Variants in LRP8 observed in about 807,000 individuals in gnomAD.
LRP8 encodes the protein low-density lipoprotein receptor-related protein 8.
In LRP8, 46 loss-of-function variants were observed where a neutral mutation model predicts 111.6. The ratio of observed to expected loss-of-function variants is 0.41; its 90% CI spans 0.33 to 0.53. The LOEUF (loss-of-function observed/expected upper bound fraction) is 0.53. Ranked by LOEUF, LRP8 falls within the 20% of genes least tolerant of loss-of-function variation. The probability of loss-of-function intolerance (pLI) is 0.20; values close to 1 mark genes in which losing one functional copy is unlikely to be tolerated. For synonymous variants in LRP8, 464 were observed against 511.2 expected (o/e 0.91, Z 1.24); for missense variants, 959 against 1,297.4 (o/e 0.74, Z 4.01).
intron 2 of LRP8, among the ~76,000 whole-genome samples, chr1:53,316,650 G>A (rs142309886): frequency 1.2e-3 from 186 of 152,346 alleles, no homozygotes; most frequent in African/African-American, 4.1e-3. Flanking sequence ...ACTCTTAGGG[G>A]AAAACAAAAG....
intron 2 of LRP8, among the ~76,000 whole-genome samples, chr1:53,295,929 G>T (rs1649626808): frequency 6.6e-6 from 1 of 152,186 alleles, no homozygotes; most frequent in African/African-American, 2.4e-5. Flanking sequence ...GGAGGGACTA[G>T]CCCGTGTTGA....
At chr1:53,297,163 A>G (rs1649886133) in intron 2 of LRP8, among the ~76,000 whole-genome samples, 1 of 152,120 alleles carries the variant, frequency 6.6e-6, no homozygotes, top group Non-Finnish European at 1.5e-5. Context: ...CAGCTTCCAC[A>G]TGGCTCTGCT....
At chr1:53,287,697 T>C (rs1485960921) in intron 3 of LRP8, among the ~76,000 whole-genome samples, 1 of 152,158 alleles carries the variant, frequency 6.6e-6, no homozygotes, top group Non-Finnish European at 1.5e-5. Flanking sequence ...CTGGGCCTCC[T>C]GTTGTCCCTC....
In LRP8 at chr1:53,317,737, C is replaced by T. The variant is rs916815765; in HGVS notation, c.244+9136G>A. 4.6e-5 allele frequency among the ~76,000 whole-genome samples: 7 copies of T among 152,230 alleles called. No individual in the cohort carries two copies. The highest frequency in any genetic ancestry group is 1.3e-4 in the Admixed American group (2 of 15,280). On this transcript the variant is annotated intron_variant, in intron 2 of 18. Transcript: ENST00000306052. The surrounding 1 kb of genome is among the most constrained non-coding windows in gnomAD (Gnocchi z 4.9). ...CCTCCGGAATATGGGCTCATTTTCCCGCTTTCGGAAAGTCTCATGAAGCTG... is the reference window on the plus strand; with the variant it reads ...CCTCCGGAATATGGGCTCATTTTCCTGCTTTCGGAAAGTCTCATGAAGCTG...
At chr1:53,264,420 A>G (rs767486552) in intron 9 of LRP8, 24 bp from the exon 10 acceptor site, 4 of 1,589,090 alleles carry the variant, frequency 2.5e-6, no homozygotes, top group South Asian at 1.1e-5. Context: ...AGAGATGACC[A>G]TGGGGCAGAT....
Position 53,250,997 on chromosome 1 carries a change from G to A in LRP8, c.2504-135C>T, listed in dbSNP as rs1645877845. 2 of 693,376 alleles carry A rather than the reference G, an allele frequency of 2.9e-6. No individual in the cohort carries two copies. The highest frequency in any genetic ancestry group is 4.9e-6 in the Non-Finnish European group (2 of 404,232). The allele number at this position is 693,376 out of a possible 1,614,324, so 43.0% of individuals were successfully genotyped here. On this transcript the variant is annotated intron_variant, in intron 16 of 18. Transcript: ENST00000306052. The surrounding 1 kb of genome is among the most constrained non-coding windows in gnomAD (Gnocchi z 4.6). Reference sequence around the variant, plus strand: ...CTCTGTTTCTGCATGTTCTTTTACTGCTGTTTGAAAGCCCATCTCTCATCC... The same window carrying A: ...CTCTGTTTCTGCATGTTCTTTTACTACTGTTTGAAAGCCCATCTCTCATCC...
At chr1:53,277,472 G>T (rs1646965777) in intron 4 of LRP8, among the ~76,000 whole-genome samples, 1 of 152,170 alleles carries the variant, frequency 6.6e-6, no homozygotes, top group Admixed American at 6.5e-5. Flanking sequence ...GCATAGCGAT[G>T]CATAGCATAA....
chr1:53,266,511 G>A lies in LRP8; in HGVS notation c.1389C>T (p.Arg463=), dbSNP rs758929091. The A allele has an allele frequency of 2.7e-5, 43 of 1,614,078 alleles. No individual in the cohort carries two copies. The highest frequency in any genetic ancestry group is 1.7e-4 in the Admixed American group (10 of 60,002). The change falls in exon 9 of 19, where the codon CGC becomes CGT. Residue 463 remains arginine, a synonymous_variant. Coordinates refer to ENST00000306052, the MANE Select transcript of LRP8 (RefSeq NM_004631.5). This position sits in a 1 kb window ranked among gnomAD's most constrained non-coding sequence, Gnocchi z 5.0. ...VALDVEVATN[R]IYWCDLSYRK... ...GGTAGGAGAGGTCACACCAGTAGAT[G>A]CGATTGGTGGCAACTTCCACATCTA... is the stretch of plus-strand genomic sequence containing the variant.
At chr1:53,306,749 C>G (rs138100595) in intron 2 of LRP8, among the ~76,000 whole-genome samples, 294 of 152,326 alleles carry the variant, frequency 1.9e-3, no homozygotes, top group African/African-American at 6.8e-3. Flanking sequence ...GGTCCCACCT[C>G]CTGGCCTGCT....
intron 2 of LRP8, chr1:53,291,781 G>A (rs567169060): frequency 2.6e-5 from 4 of 152,340 alleles, no homozygotes; most frequent in African/African-American, 9.6e-5. Context: ...ATAAATGAGT[G>A]AGCATGGTTA....
Position 53,294,062 on chromosome 1 carries a change from T to C in LRP8, c.245-4373A>G, listed in dbSNP as rs1649248019. Reference sequence around the variant, plus strand: ...ATTCTAAGGCTGTCAGAGAAAGCCATGCCAGACCCCTACTCTGCTGGCCTT... The same window carrying C: ...ATTCTAAGGCTGTCAGAGAAAGCCACGCCAGACCCCTACTCTGCTGGCCTT... On this transcript the variant is annotated intron_variant, in intron 2 of 18. Transcript: ENST00000306052. The surrounding 1 kb of genome is among the most constrained non-coding windows in gnomAD (Gnocchi z 4.1). 6.6e-6 allele frequency among the ~76,000 whole-genome samples: 1 copy of C among 152,194 alleles called. No individual in the cohort carries two copies. The highest frequency in any genetic ancestry group is 1.5e-5 in the Non-Finnish European group (1 of 68,030).
In LRP8 at chr1:53,296,387, T is replaced by C. The variant is rs942489787; in HGVS notation, c.245-6698A>G. 3.9e-5 allele frequency among the ~76,000 whole-genome samples: 6 copies of C among 152,082 alleles called. No individual in the cohort carries two copies. In the East Asian group the frequency reaches 9.7e-4, roughly 25 times the overall value. ...GAGAGCTGGGTGCACAGAAGGGACT[T>C]GGATGTTCCCACTTCCTCTCCCAGG... On this transcript the variant is annotated intron_variant, in intron 2 of 18. Transcript: ENST00000306052.
In LRP8 at chr1:53,266,350, C is replaced by T. The variant is rs547207363; in HGVS notation, c.1427+123G>A. The T allele has an allele frequency of 3.0e-5, 30 of 999,294 alleles. No individual in the cohort carries two copies. The highest frequency in any genetic ancestry group is 4.9e-5 in the South Asian group (3 of 60,680). The allele number at this position is 999,294 out of a possible 1,614,324, so 61.9% of individuals were successfully genotyped here. On this transcript the variant is annotated intron_variant, in intron 9 of 18. Coordinates refer to ENST00000306052, the MANE Select transcript of LRP8 (RefSeq NM_004631.5). This position sits in a 1 kb window ranked among gnomAD's most constrained non-coding sequence, Gnocchi z 5.0. Reference sequence around the variant, plus strand: ...CCATATCCACTGTGATCCTGCATCTCTTCCCAAGTCCCAACTCTGTCCTGA... The same window carrying T: ...CCATATCCACTGTGATCCTGCATCTTTTCCCAAGTCCCAACTCTGTCCTGA...
intron 2 of LRP8, among the ~76,000 whole-genome samples, chr1:53,309,572 C>T (rs777881476): frequency 2.0e-5 from 3 of 152,236 alleles, no homozygotes; most frequent in South Asian, 2.1e-4. Flanking sequence ...CAGAGAGCCA[C>T]GGTGAGGGGA....
At chr1:53,315,977 C>A (rs1179076744) in intron 2 of LRP8, among the ~76,000 whole-genome samples, 1 of 152,084 alleles carries the variant, frequency 6.6e-6, no homozygotes, top group South Asian at 2.1e-4. Flanking sequence ...GGGGAGGTGG[C>A]AGAGAGAACA....
At chr1:53,300,498 C>T (rs1000792139) in intron 2 of LRP8, among the ~76,000 whole-genome samples, 4 of 152,146 alleles carry the variant, frequency 2.6e-5, no homozygotes, top group African/African-American at 7.2e-5. Flanking sequence ...TTTGGCAGAC[C>T]GACCCAGGCA....
chr1:53,257,698 G>C (rs1034139195), intron 14 of LRP8, among the ~76,000 whole-genome samples: 2 of 152,170 alleles, frequency 1.3e-5, no homozygotes, highest in Non-Finnish European at 2.9e-5. Flanking sequence ...TTAGTTGTAA[G>C]ATCAGCAATA....
chr1:53,278,915 A>ATTTT (rs530331555), intron 4 of LRP8, among the ~76,000 whole-genome samples: 3 of 133,010 alleles, frequency 2.3e-5, no homozygotes, highest in African/African-American at 5.8e-5. Context: ...CGCCCGGCTA[A>ATTTT]TTTTTTTTTT....
In LRP8 at chr1:53,303,213, G is replaced by A. The variant is rs774942794; in HGVS notation, c.245-13524C>T. 1.6e-4 allele frequency among the ~76,000 whole-genome samples: 25 copies of A among 152,160 alleles called. No homozygotes were observed. The highest frequency in any genetic ancestry group is 2.6e-4 in the Admixed American group (4 of 15,282). On this transcript the variant is annotated intron_variant, in intron 2 of 18. Transcript: ENST00000306052. This position sits in a 1 kb window ranked among gnomAD's most constrained non-coding sequence, Gnocchi z 4.3. Reference sequence around the variant, plus strand: ...TTGGGGAGAGCTGGGTTGCCTCCCCGTTCGAATGGGAGAGGGCCGGGGGCA... The same window carrying A: ...TTGGGGAGAGCTGGGTTGCCTCCCCATTCGAATGGGAGAGGGCCGGGGGCA...
Sources: allele counts gnomAD v4.1 joint callset (sites outside exome capture counted in the v4.1 genomes callset), GRCh38; gene constraint gnomAD v4.1.1; non-coding constraint Gnocchi (gnomAD v3.1); transcripts MANE v1.5; gene names NCBI Gene and HGNC (gene_info 2026-07-23, HGNC 2026-07-21).